ODR4: variants seen among roughly 807,000 people sequenced by gnomAD.
ODR4 encodes the protein odr-4 GPCR localization factor homolog, also known as protein odr-4 homolog.
In ODR4, 47 loss-of-function variants were observed where a neutral mutation model predicts 60.2. That is an observed-to-expected ratio of 0.78 (90% confidence interval 0.62 to 1.00). ODR4 has a LOEUF of 1.00. Ranked by LOEUF, ODR4 falls within the 50% of genes least tolerant of loss-of-function variation. The pLI, the probability that ODR4 is intolerant of heterozygous loss-of-function variation, is 0.00. For missense variants in ODR4, 488 were observed against 530.8 expected, an observed-to-expected ratio of 0.92 and a Z score of 0.79; for synonymous variants, 178 against 175.5, an observed-to-expected ratio of 1.01 and a Z score of -0.11.
intron 13 of ODR4, among the ~76,000 whole-genome samples, chr1:186,418,377 G>A (rs1481186988): frequency 1.4e-5 from 2 of 147,836 alleles, no homozygotes; most frequent in East Asian, 2.0e-4. Context: ...TGCAAGCTCC[G>A]CTTCCCGGGT....
At chr1:186,430,723 AAAT>A in the ODR4 span, among the ~76,000 whole-genome samples, 1 of 152,246 alleles carries the variant, frequency 6.6e-6, no homozygotes, top group South Asian at 2.1e-4. Context: ...GCCAAAAGAA[AAAT>A]AATAAAACCT....
intron 11 of ODR4, chr1:186,401,257 C>A: frequency 7.7e-7 from 1 of 1,296,250 alleles, no homozygotes; most frequent in Non-Finnish European, 1.1e-6. Context: ...AAACTTGATA[C>A]ATTTAGAAGT....
At chr1:186,390,400 A>G (rs1660417717) in intron 6 of ODR4, among the ~76,000 whole-genome samples, 1 of 152,220 alleles carries the variant, frequency 6.6e-6, no homozygotes, top group Non-Finnish European at 1.5e-5. Flanking sequence ...CAGAATCTTC[A>G]GTATTGATAC....
intron 1 of ODR4, among the ~76,000 whole-genome samples, chr1:186,376,755 A>G (rs1235203923): frequency 6.6e-6 from 1 of 152,214 alleles, no homozygotes; most frequent in African/African-American, 2.4e-5. Context: ...TCCTAAGCCC[A>G]CAGTATTATC....
the ODR4 span, among the ~76,000 whole-genome samples, chr1:186,427,811 A>G: frequency 1.3e-5 from 2 of 152,254 alleles, no homozygotes; most frequent in Non-Finnish European, 1.5e-5. Flanking sequence ...TCTGAAGAAT[A>G]GATGTTGTAT....
At chr1:186,402,732 C>T (rs905941940) in intron 11 of ODR4, among the ~76,000 whole-genome samples, 3 of 149,700 alleles carry the variant, frequency 2.0e-5, no homozygotes, top group Non-Finnish European at 4.5e-5. Context: ...GGACTACAAG[C>T]GCACAGCAGT....
intron 6 of ODR4, 91 bp downstream of exon 6, chr1:186,389,715 C>A: frequency 1.2e-6 from 1 of 851,022 alleles, no homozygotes; most frequent in Non-Finnish European, 1.8e-6. Context: ...ATTTCCATTG[C>A]CATCACTTCC....
chr1:186,390,989 C>A (rs1660447518), intron 7 of ODR4, 138 bp downstream of exon 7: 2 of 912,080 alleles, frequency 2.2e-6, no homozygotes, highest in Non-Finnish European at 3.2e-6. Context: ...TAACTTATTA[C>A]CGCAGCCAAA....
the ODR4 span, among the ~76,000 whole-genome samples, chr1:186,429,306 A>G: frequency 6.6e-6 from 1 of 152,164 alleles, no homozygotes; most frequent in African/African-American, 2.4e-5. Flanking sequence ...AAGAAGTTTG[A>G]AATATTACAA....
rs1187356502 is a variant in ODR4, at chr1:186,411,204, T to C, written c.1186+4936T>C. On this transcript the variant is annotated intron_variant, in intron 12 of 13. Transcript: ENST00000287859. Reference sequence around the variant, plus strand: ...TTTTGGATTCTTGGGTTAGGAATGCTAAGCTGGTGTACTGCAAGTATTTCA... The same window carrying C: ...TTTTGGATTCTTGGGTTAGGAATGCCAAGCTGGTGTACTGCAAGTATTTCA... Among the ~76,000 whole-genome samples the C allele has an allele frequency of 2.0e-5, 3 of 152,166 alleles. No homozygotes were observed. In the East Asian group the frequency reaches 5.8e-4, roughly 29 times the overall value.
chr1:186,416,312 GATCACTTATAGT>G, intron 12 of ODR4, among the ~76,000 whole-genome samples: 1 of 152,142 alleles, frequency 6.6e-6, no homozygotes, highest in East Asian at 1.9e-4. Context: ...GAGACAGGCA[GATCACTTATAGT>G]CAGGAGTCCG....
the ODR4 span, among the ~76,000 whole-genome samples, chr1:186,428,631 C>T: frequency 2.6e-4 from 40 of 152,340 alleles, no homozygotes; most frequent in East Asian, 1.2e-3. Context: ...TAGCTTTCAG[C>T]CCGTCTTGTC....
chr1:186,393,832 A>G (rs565390911), intron 8 of ODR4, 115 bp from the exon 9 acceptor site: 1 of 636,376 alleles, frequency 1.6e-6, no homozygotes, highest in African/African-American at 1.9e-5. Context: ...AAATTAAAAT[A>G]ATTAAAAGAC....
At chr1:186,432,553 T>C in the ODR4 span, among the ~76,000 whole-genome samples, 1 of 152,186 alleles carries the variant, frequency 6.6e-6, no homozygotes, top group Non-Finnish European at 1.5e-5. Flanking sequence ...GTTTCTTTGC[T>C]GGTTACAGGG....
intron 11 of ODR4, among the ~76,000 whole-genome samples, chr1:186,405,751 C>A (rs1362984557): frequency 6.6e-6 from 1 of 152,026 alleles, no homozygotes; most frequent in Non-Finnish European, 1.5e-5. Context: ...GGGGTTTCAC[C>A]ATGTTGGCCA....
rs764595852 is a variant in ODR4 at position 186,388,519 on chromosome 1, G to T, written c.408G>T (p.Val136=). ...CAGAGGAGGAAGTCTCAGAACGAGT[G>T]ACACTTCACATTTGTGCTTCTACAA... ...NFTEEEVSER[V]TLHICASTKK... is the part of the protein sequence containing the mutation. Residue 136 remains valine, a synonymous_variant, in exon 5 of 14, where the codon GTG becomes GTT. Transcript: ENST00000287859. The T allele has an allele frequency of 1.3e-5, 20 of 1,561,250 alleles. No homozygotes were observed. Among genetic ancestry groups the T allele is most frequent in the Non-Finnish European group, 1.6e-5 (19 of 1,152,470 alleles).
Position 186,379,897 on chromosome 1 carries a change from T to TA in ODR4, c.99+14dup, listed in dbSNP as rs755754401. The TA allele has an allele frequency of 7.1e-7, 1 of 1,406,168 alleles. No homozygotes were observed. Among genetic ancestry groups the TA allele is most frequent in the Non-Finnish European group, 9.7e-7 (1 of 1,027,490 alleles). The allele number at this position is 1,406,168 out of a possible 1,614,324, so 87.1% of individuals were successfully genotyped here. A position where few individuals can be genotyped will look rare whatever the true frequency, so the allele number is the denominator to read the frequency against. On this transcript the variant is annotated intron_variant, in intron 2 of 13. Coordinates refer to ENST00000287859, the MANE Select transcript of ODR4 (RefSeq NM_017847.6). Reference sequence around the variant, plus strand: ...TTTAATAGGACAGGTATGTATCTTTTACTCTGCATTTATAACTAAATAATT... The same window carrying TA: ...TTTAATAGGACAGGTATGTATCTTTTAACTCTGCATTTATAACTAAATAATT...
chr1:186,432,641 A>C, the ODR4 span, among the ~76,000 whole-genome samples: 17 of 151,992 alleles, frequency 1.1e-4, no homozygotes, highest in Non-Finnish European at 1.6e-4. Flanking sequence ...TTTGTTTTCA[A>C]ATTTGTTGGC....
rs796709642 is a variant in ODR4 at position 186,418,314 on chromosome 1, G to A, written c.1297+660G>A. Among the ~76,000 whole-genome samples, 296 of 141,820 alleles carry A rather than the reference G, an allele frequency of 2.1e-3. 3 individuals are homozygous for A. Among genetic ancestry groups the A allele is most frequent in the African/African-American group, 7.2e-3 (278 of 38,486 alleles). The allele number at this position is 141,820 out of a possible 152,430, so 93.0% of individuals were successfully genotyped here. ...CTTTTTTTTTTTTTTTTTTTGAGAC[G>A]GAGTCTCGCTCTGTCGCCCAGGCTG... On this transcript the variant is annotated intron_variant, in intron 13 of 13. Transcript: ENST00000287859.
Sources: gnomAD v4.1 joint callset for allele counts (sites outside exome capture counted in the v4.1 genomes callset) on GRCh38, gnomAD v4.1.1 for gene constraint, MANE v1.5 for transcripts, NCBI Gene and HGNC (gene_info 2026-07-23, HGNC 2026-07-21) for gene names.